Variants in ZNF521 observed in about 807,000 individuals in gnomAD.
The protein encoded by ZNF521 is zinc finger protein 521.
A neutral mutation model predicts 105.5 loss-of-function variants in ZNF521; 14 were observed. That is an observed-to-expected ratio of 0.13 (90% confidence interval 0.09 to 0.21). The LOEUF is 0.21. Among genes scored for constraint, ZNF521 ranks in the 10% least tolerant of loss-of-function variants. ZNF521 has a pLI of 1.00. For synonymous variants in ZNF521, 635 were observed against 606.0 expected (o/e 1.05, Z -0.70); for missense variants, 1,233 against 1,629.7 (o/e 0.76, Z 4.19).
chr18:25,214,608 A>AT (rs2036249124), intron 4 of ZNF521, among the ~76,000 whole-genome samples: 1 of 152,128 alleles, frequency 6.6e-6, no homozygotes, highest in African/African-American at 2.4e-5. Context: ...AGTTTTCAGC[A>AT]TTTTTAATTT....
rs71375174 is a variant in ZNF521, at chr18:25,288,595, G to GAA, written c.220+33411_220+33412dup. Among the ~76,000 whole-genome samples, 100 of 106,376 alleles carry GAA rather than the reference G, an allele frequency of 9.4e-4. 1 individual carries two copies. Among genetic ancestry groups the GAA allele is most frequent in the African/African-American group, 1.9e-3 (57 of 30,316 alleles). 69.8% of individuals were successfully genotyped at this position (106,376 alleles called of 152,430 possible). A position where few individuals can be genotyped will look rare whatever the true frequency, so the allele number is the denominator to read the frequency against. On this transcript the variant is annotated intron_variant, in intron 3 of 7. Coordinates refer to ENST00000361524, the MANE Select transcript of ZNF521 (RefSeq NM_015461.3). ...CTTAAAAAAAAAAAAACCCAGCTTT[G>GAA]AAAAAAAAAAAAAAAAGAAATCATT...
chr18:25,332,642 T>G (rs1338388335), intron 2 of ZNF521, among the ~76,000 whole-genome samples: 1 of 152,198 alleles, frequency 6.6e-6, no homozygotes, highest in East Asian at 1.9e-4. Context: ...GCATCATTTG[T>G]TTTAAATTTT....
intron 3 of ZNF521, among the ~76,000 whole-genome samples, chr18:25,301,312 T>A (rs747491971): frequency 6.6e-6 from 1 of 152,222 alleles, no homozygotes; most frequent in Non-Finnish European, 1.5e-5. Flanking sequence ...TCCTGCCCTC[T>A]GTACCCTTCC....
At chr18:25,107,699 T>G (rs1321463503) in intron 5 of ZNF521, among the ~76,000 whole-genome samples, 4 of 152,196 alleles carry the variant, frequency 2.6e-5, no homozygotes, top group Non-Finnish European at 5.9e-5. Context: ...GGAACTGATT[T>G]TCAGTGTTAA....
chr18:25,221,092 T>C (rs969115722), intron 4 of ZNF521, among the ~76,000 whole-genome samples: 4 of 152,210 alleles, frequency 2.6e-5, no homozygotes, highest in African/African-American at 9.6e-5. Context: ...TTCTCCAAAA[T>C]ATTTTATTCA....
chr18:25,325,564 C>T (rs1183569922), intron 2 of ZNF521, among the ~76,000 whole-genome samples: 2 of 151,946 alleles, frequency 1.3e-5, no homozygotes. Context: ...TTAAAATATC[C>T]CCAAACTCTC....
At chr18:25,204,703 G>T (rs2036049130) in intron 4 of ZNF521, among the ~76,000 whole-genome samples, 2 of 151,878 alleles carry the variant, frequency 1.3e-5, no homozygotes, top group Non-Finnish European at 2.9e-5. Flanking sequence ...TGAAAAAACT[G>T]TGCCCAAGTT....
intron 5 of ZNF521, among the ~76,000 whole-genome samples, chr18:25,116,287 G>A (rs1046032183): frequency 2.0e-5 from 3 of 152,160 alleles, no homozygotes; most frequent in Non-Finnish European, 4.4e-5. Context: ...GTTGATTGGA[G>A]AAGGTGGGTT....
intron 2 of ZNF521, 98 bp downstream of exon 2, chr18:25,350,809 A>T: frequency 1.5e-6 from 2 of 1,363,206 alleles, no homozygotes; most frequent in Non-Finnish European, 2.0e-6. Context: ...ACTCACACTC[A>T]CGCGCGCACA....
intron 5 of ZNF521, among the ~76,000 whole-genome samples, chr18:25,099,988 G>A (rs1447712072): frequency 2.0e-5 from 3 of 152,010 alleles, no homozygotes; most frequent in South Asian, 2.1e-4. Context: ...TGGGGGGCCC[G>A]CAACACAAGC....
At chr18:25,342,244 T>C (rs76779516) in intron 2 of ZNF521, among the ~76,000 whole-genome samples, 2,473 of 152,224 alleles carry the variant, frequency 0.016, 72 homozygotes, top group African/African-American at 0.057. Flanking sequence ...CAAAACATCA[T>C]ACAACTTTGC....
intron 2 of ZNF521, among the ~76,000 whole-genome samples, chr18:25,329,965 G>T (rs868574362): frequency 7.9e-5 from 12 of 152,212 alleles, no homozygotes; most frequent in African/African-American, 2.9e-4. Flanking sequence ...GGATGGTGAA[G>T]AGAGGAAAGT....
intron 5 of ZNF521, among the ~76,000 whole-genome samples, chr18:25,132,114 C>T (rs144927638): frequency 2.3e-3 from 350 of 152,254 alleles, no homozygotes; most frequent in African/African-American, 8.1e-3. Flanking sequence ...CAGATAAAAA[C>T]AGTGATGAAA....
Position 25,226,415 on chromosome 18 carries a change from T to C in ZNF521, c.1503A>G (p.Gly501=), listed in dbSNP as rs1341683394. 1 of 1,614,126 alleles carries C rather than the reference T, an allele frequency of 6.2e-7. No homozygotes were observed. Among genetic ancestry groups the C allele is most frequent in the Admixed American group, 1.7e-5 (1 of 60,032 alleles). The change falls in exon 4 of 8, where the codon GGA becomes GGG. Residue 501 remains glycine, a synonymous_variant. Transcript: ENST00000361524. This position sits in a 1 kb window ranked among gnomAD's most constrained non-coding sequence, Gnocchi z 4.1. ...TLQEHIRCSH[G]FANPAAKDSN... is the part of the protein sequence containing the mutation. The stretch of plus-strand genomic sequence containing the variant: ...TATCTTTAGCTGCAGGGTTTGCAAA[T>C]CCATGAGAACATCGGATGTGTTCCT...
chr18:25,236,278 G>A (rs958790738), intron 3 of ZNF521, among the ~76,000 whole-genome samples: 2 of 152,214 alleles, frequency 1.3e-5, no homozygotes, highest in African/African-American at 2.4e-5. Flanking sequence ...GCTCACGCCT[G>A]TAATCCCAGC....
At chr18:25,109,230 G>T (rs936907295) in intron 5 of ZNF521, among the ~76,000 whole-genome samples, 1 of 152,018 alleles carries the variant, frequency 6.6e-6, no homozygotes, top group Non-Finnish European at 1.5e-5. Flanking sequence ...TTCTGAGTTA[G>T]TTCACTTAGG....
intron 3 of ZNF521, among the ~76,000 whole-genome samples, chr18:25,320,585 T>C (rs971905403): frequency 5.9e-5 from 9 of 152,168 alleles, no homozygotes; most frequent in African/African-American, 2.2e-4. Context: ...TCTCCAACTT[T>C]CTCTCAAATG....
chr18:25,066,523 C>G (rs577818253), intron 7 of ZNF521, among the ~76,000 whole-genome samples: 1 of 152,288 alleles, frequency 6.6e-6, no homozygotes, highest in South Asian at 2.1e-4. Flanking sequence ...CTGGTCTCGA[C>G]TAAAGATTCT....
intron 5 of ZNF521, among the ~76,000 whole-genome samples, chr18:25,146,548 G>T (rs1034002593): frequency 1.3e-5 from 2 of 151,954 alleles, no homozygotes; most frequent in Non-Finnish European, 2.9e-5. Flanking sequence ...TCTGAAAAAA[G>T]GCTACTCCAC....
Sources: gnomAD v4.1 joint callset for allele counts (sites outside exome capture counted in the v4.1 genomes callset) on GRCh38, gnomAD v4.1.1 for gene constraint, Gnocchi (gnomAD v3.1) non-coding constraint, MANE v1.5 for transcripts, NCBI Gene and HGNC (gene_info 2026-07-23, HGNC 2026-07-21) for gene names.